Variants in SLC26A8 observed in about 807,000 individuals in gnomAD.
SLC26A8 encodes the protein solute carrier family 26 member 8.
SLC26A8 carries 70 observed loss-of-function variants against 105.0 expected under a neutral mutation model. The ratio of observed to expected loss-of-function variants is 0.67; its 90% CI spans 0.55 to 0.81. SLC26A8 has a LOEUF of 0.81. Ranked by LOEUF, SLC26A8 falls within the 40% of genes least tolerant of loss-of-function variation. The pLI, the probability that SLC26A8 is intolerant of heterozygous loss-of-function variation, is 0.00. For synonymous variants in SLC26A8, 415 were observed against 438.3 expected, an observed-to-expected ratio of 0.95 and a Z score of 0.66; for missense variants, 998 against 1,181.8, an observed-to-expected ratio of 0.84 and a Z score of 2.28.
rs756963612 is a variant in SLC26A8, at chr6:35,997,898, G to GCA, written c.465_466dup (p.Ala156ValfsTer4). On this transcript the variant is annotated frameshift_variant, in exon 5 of 20. Transcript: ENST00000490799. LOFTEE classifies it high-confidence loss of function. ...CACTTTCAGAACGTTGATCAGCAGA[G>GCA]CACTCACCAGGAAGAAGGAACCTGT... 3.1e-6 allele frequency: 5 copies of GCA among 1,613,922 alleles called. No individual in the cohort carries two copies. The Admixed American group carries it at 8.3e-5, about 27-fold the overall frequency.
At chr6:35,951,375 A>G (rs749118043) in intron 18 of SLC26A8, 28 bp from the exon 19 acceptor site, 2 of 1,614,022 alleles carry the variant, frequency 1.2e-6, no homozygotes, top group Non-Finnish European at 1.7e-6. Flanking sequence ...AACACACACA[A>G]TGTCAGATAC....
chr6:35,971,547 T>C lies in SLC26A8; in HGVS notation c.1288-2593A>G, dbSNP rs187406491. On this transcript the variant is annotated intron_variant, in intron 10 of 19. Coordinates refer to ENST00000490799, the MANE Select transcript of SLC26A8 (RefSeq NM_052961.4). ...GGTCTTGGGGTAGAAGTGATGATTT[T>C]TGAACTCTTAAGTGACAGGCACCCA... Among the ~76,000 whole-genome samples, 378 of 152,288 alleles carry C rather than the reference T, an allele frequency of 2.5e-3. 1 individual carries two copies. The highest frequency in any genetic ancestry group is 7.9e-3 in the African/African-American group (330 of 41,552).
chr6:36,013,460 C>T (rs1246073228), intron 2 of SLC26A8, among the ~76,000 whole-genome samples: 1 of 152,168 alleles, frequency 6.6e-6, no homozygotes, highest in African/African-American at 2.4e-5. Flanking sequence ...GGATTACAGG[C>T]ATAAGCCACC....
intron 11 of SLC26A8, among the ~76,000 whole-genome samples, chr6:35,966,057 AT>A (rs1212840664): frequency 1.3e-5 from 2 of 151,904 alleles, no homozygotes; most frequent in African/African-American, 4.8e-5. Context: ...TATTGGTTTA[AT>A]TTCTTAGCCC....
At chr6:35,961,726 C>G (rs929232607) in intron 12 of SLC26A8, among the ~76,000 whole-genome samples, 1 of 152,160 alleles carries the variant, frequency 6.6e-6, no homozygotes, top group Non-Finnish European at 1.5e-5. Context: ...AAGTTATCCC[C>G]TTTCATATTT....
intron 7 of SLC26A8, among the ~76,000 whole-genome samples, chr6:35,987,427 A>G (rs1054975335): frequency 3.9e-5 from 6 of 152,100 alleles, no homozygotes; most frequent in Non-Finnish European, 8.8e-5. Flanking sequence ...GCTGGAGTGC[A>G]GTGGCATGAT....
At chr6:35,970,843 T>C (rs1772766141) in intron 10 of SLC26A8, among the ~76,000 whole-genome samples, 1 of 152,138 alleles carries the variant, frequency 6.6e-6, no homozygotes, top group South Asian at 2.1e-4. Context: ...CTGGCCAACA[T>C]GGTGAAACCC....
intron 3 of SLC26A8, among the ~76,000 whole-genome samples, chr6:36,001,546 T>C (rs1761523729): frequency 6.6e-6 from 1 of 152,234 alleles, no homozygotes; most frequent in Admixed American, 6.5e-5. Context: ...ACTTCTGAGA[T>C]TAGGTTGCAA....
chr6:36,020,136 CT>C (rs1762095065), intron 1 of SLC26A8, among the ~76,000 whole-genome samples: 1 of 152,304 alleles, frequency 6.6e-6, no homozygotes, highest in Non-Finnish European at 1.5e-5. Context: ...CTTGTAACTC[CT>C]CTAAAATAGC....
chr6:36,019,724 A>G lies in SLC26A8; in HGVS notation c.-2-15T>C. ...TTGTGCCATTCCTGGATGAGTGGAA[A>G]GAGAGCAAATAAAAGAGCATTTTCA... On this transcript the variant is annotated splice_polypyrimidine_tract_variant and intron_variant, in intron 1 of 19. Coordinates refer to ENST00000490799, the MANE Select transcript of SLC26A8 (RefSeq NM_052961.4). 1 of 1,593,460 alleles carries G rather than the reference A, an allele frequency of 6.3e-7. No homozygotes were observed. Among genetic ancestry groups the G allele is most frequent in the South Asian group, 1.1e-5 (1 of 88,208 alleles).
intron 2 of SLC26A8, among the ~76,000 whole-genome samples, chr6:36,014,130 CTCTT>C (rs1241299016): frequency 6.6e-6 from 1 of 152,160 alleles, no homozygotes; most frequent in African/African-American, 2.4e-5. Flanking sequence ...ACAAAATATG[CTCTT>C]TCTAATTATG....
intron 1 of SLC26A8, among the ~76,000 whole-genome samples, chr6:36,021,638 G>C (rs373768742): frequency 4.6e-5 from 7 of 152,108 alleles, no homozygotes; most frequent in African/African-American, 1.7e-4. Context: ...TTTTGCCATC[G>C]GTCAATGTGG....
chr6:35,996,517 G>A (rs919215982), intron 5 of SLC26A8, among the ~76,000 whole-genome samples: 8 of 152,182 alleles, frequency 5.3e-5, no homozygotes. Context: ...CAAAGATAGT[G>A]TGTGAGCCTG....
intron 5 of SLC26A8, among the ~76,000 whole-genome samples, chr6:35,997,150 G>A (rs1193889933): frequency 2.0e-5 from 3 of 152,162 alleles, no homozygotes; most frequent in Admixed American, 2.0e-4. Context: ...CTGGTTTGTG[G>A]CCTGTTAGGA....
Position 35,961,070 on chromosome 6 carries a change from T to G in SLC26A8, c.1491A>C (p.Ser497=). ...CALWMMTFSS[S]IFLGLDIGLI... is the part of the protein sequence containing the mutation. ...GTCCAATGTCCAGTCCCAGGAAAATTGAAGATGAGAATGTCATCATCCAAA... is the reference window on the plus strand; with the variant it reads ...GTCCAATGTCCAGTCCCAGGAAAATGGAAGATGAGAATGTCATCATCCAAA... Residue 497 remains serine, a synonymous_variant, in exon 13 of 20, where the codon TCA becomes TCC. Transcript: ENST00000490799. The G allele has an allele frequency of 6.2e-7, 1 of 1,614,042 alleles. No homozygotes were observed. The highest frequency in any genetic ancestry group is 1.3e-5 in the African/African-American group (1 of 75,032).
At chr6:35,984,384 A>G (rs558804651) in intron 7 of SLC26A8, among the ~76,000 whole-genome samples, 1 of 138,238 alleles carries the variant, frequency 7.2e-6, no homozygotes, top group East Asian at 2.3e-4. Context: ...GTGCAGTGGC[A>G]CAATCTTGGC....
At chr6:35,971,725 C>T (rs1772804474) in intron 10 of SLC26A8, among the ~76,000 whole-genome samples, 1 of 152,204 alleles carries the variant, frequency 6.6e-6, no homozygotes, top group African/African-American at 2.4e-5. Flanking sequence ...GACCATCTGA[C>T]TCCAAAATCC....
chr6:35,949,795 TTG>T (rs532396044), intron 19 of SLC26A8, among the ~76,000 whole-genome samples: 1 of 151,602 alleles, frequency 6.6e-6, no homozygotes, highest in Non-Finnish European at 1.5e-5. Context: ...AGTTAACTAG[TTG>T]TGTGTGTGTG....
chr6:35,969,191 C>T (rs1446080032), intron 10 of SLC26A8: 6 of 470,702 alleles, frequency 1.3e-5, no homozygotes, highest in East Asian at 3.9e-5. Flanking sequence ...AAAAGCTCCA[C>T]GTTGTCCTGG....
Sources: gnomAD v4.1 joint callset for allele counts (sites outside exome capture counted in the v4.1 genomes callset) on GRCh38, gnomAD v4.1.1 for gene constraint, MANE v1.5 for transcripts, NCBI Gene and HGNC (gene_info 2026-07-23, HGNC 2026-07-21) for gene names.